The following EXPH5 variants were observed in gnomAD, a reference collection of about 807,000 sequenced individuals.
The protein encoded by EXPH5 is exophilin-5.
Under a neutral mutation model 41.1 loss-of-function variants are expected in EXPH5, and 42 were observed. That is an observed-to-expected ratio of 1.02 (90% CI 0.80 to 1.32). EXPH5 has a LOEUF of 1.32. Among genes scored for constraint, EXPH5 ranks in the 40% most tolerant of loss-of-function variants. The pLI, the probability that EXPH5 is intolerant of heterozygous loss-of-function variation, is 0.00. For missense variants in EXPH5, 2,298 were observed against 2,314.5 expected, an observed-to-expected ratio of 0.99 and a Z score of 0.15; for synonymous variants, 798 against 833.5, an observed-to-expected ratio of 0.96 and a Z score of 0.73.
chr11:108,539,075 A>T lies in EXPH5; in HGVS notation c.392T>A (p.Phe131Tyr), dbSNP rs116205685. Residue 131 changes from phenylalanine to tyrosine, a missense_variant, in exon 3 of 6, where the codon TTC becomes TAC. Transcript: ENST00000265843. Reference sequence around the variant, plus strand: ...TGAAGTCTCCTTTCCAGATTTCCTGAATGAGAACAGGGAAGCAAATGACGA... The same window carrying T: ...TGAAGTCTCCTTTCCAGATTTCCTGTATGAGAACAGGGAAGCAAATGACGA... ...FRSSFASLFS[F>Y]RKSGKETSKL... 2.7e-4 allele frequency: 432 copies of T among 1,609,016 alleles called. No individual in the cohort carries two copies. In the African/African-American group the frequency reaches 5.2e-3, roughly 20 times the overall value.
At position 108,508,003 on chromosome 11, in the gene EXPH5, C is replaced by CCAAAAAAAAAAAAAA. The variant is rs2093653611; in HGVS notation, c.*1519_*1533dup. 1 of 44,218 alleles carries CCAAAAAAAAAAAAAA rather than the reference C, an allele frequency of 2.3e-5. No homozygotes were observed. Among genetic ancestry groups the CCAAAAAAAAAAAAAA allele is most frequent in the Non-Finnish European group, 5.0e-5 (1 of 19,904 alleles). The allele number at this position is 44,218 out of a possible 1,614,324, so 2.7% of individuals were successfully genotyped here. A position where few individuals can be genotyped will look rare whatever the true frequency, so the allele number is the denominator to read the frequency against. On this transcript the variant is annotated 3_prime_UTR_variant, in exon 6 of 6. Transcript: ENST00000265843. ...TGAAACTCCAACTCTACTAAAAATA[C>CCAAAAAAAAAAAAAA]CAAAAAAAAAAAAAAAAAAAAAAAA...
At chr11:108,574,016 C>G (rs1156863643) in intron 1 of EXPH5, among the ~76,000 whole-genome samples, 1 of 152,052 alleles carries the variant, frequency 6.6e-6, no homozygotes, top group African/African-American at 2.4e-5. Flanking sequence ...ATTCTCCTGC[C>G]TCAGCCTCTG....
chr11:108,519,737 G>T (rs1187676802), intron 4 of EXPH5, among the ~76,000 whole-genome samples: 2 of 150,816 alleles, frequency 1.3e-5, no homozygotes, highest in African/African-American at 4.9e-5. Flanking sequence ...GACAGAGTGA[G>T]ACTCTGTCTT....
chr11:108,602,401 G>T, the EXPH5 span, among the ~76,000 whole-genome samples: 3 of 151,864 alleles, frequency 2.0e-5, no homozygotes, highest in Admixed American at 6.6e-5. Context: ...ATGGTTATTT[G>T]CCCCCATCTC....
At position 108,511,317 on chromosome 11, in the gene EXPH5, G is replaced by A. The variant is rs757762764; in HGVS notation, c.4190C>T (p.Ser1397Leu). The A allele has an allele frequency of 6.3e-7, 1 of 1,597,468 alleles. No homozygotes were observed. The highest frequency in any genetic ancestry group is 8.5e-7 in the Non-Finnish European group (1 of 1,174,366). Residue 1397 changes from serine (S) to leucine (L), a missense_variant, in exon 6 of 6, where the codon TCA (serine) becomes TTA (leucine). By Grantham distance (145) the Ser-to-Leu change is moderately radical. Transcript: ENST00000265843. ...TACATTTTTTCTCTGAAGCATCAATGAAGTATGCAGGGTTTCACTTTGCAA... is the reference window on the plus strand; with the variant it reads ...TACATTTTTTCTCTGAAGCATCAATAAAGTATGCAGGGTTTCACTTTGCAA... Reference protein sequence around the residue: ...KKLQSETLHTSLMLQRKNVSE... With the variant: ...KKLQSETLHTLLMLQRKNVSE...
intron 1 of EXPH5, among the ~76,000 whole-genome samples, chr11:108,571,697 A>G (rs2094060615): frequency 1.3e-5 from 2 of 152,150 alleles, no homozygotes; most frequent in African/African-American, 4.8e-5. Context: ...CCCAAAAGTC[A>G]TTTTCAGACA....
At chr11:108,587,319 C>T (rs2094116150) in intron 1 of EXPH5, among the ~76,000 whole-genome samples, 1 of 152,196 alleles carries the variant, frequency 6.6e-6, no homozygotes, top group Admixed American at 6.5e-5. Flanking sequence ...ACCATCTGTG[C>T]TAATGAGGAA....
At position 108,512,818 on chromosome 11, in the gene EXPH5, C is replaced by T. The variant is rs1405745884; in HGVS notation, c.2689G>A (p.Ala897Thr). The change falls in exon 6 of 6, where the codon GCT becomes ACT. Residue 897 changes from alanine to threonine, a missense_variant. Coordinates refer to ENST00000265843, the MANE Select transcript of EXPH5 (RefSeq NM_015065.3). ...SSPSKNSSLD[A>T]PVVPSTTVFS... is the part of the protein sequence containing the mutation. ...ACTGTAGTAGATGGAACCACAGGAG[C>T]ATCAAGGGAAGAATTCTTTGATGGT... 6.2e-7 allele frequency: 1 copy of T among 1,614,182 alleles called. No individual in the cohort carries two copies. Among genetic ancestry groups the T allele is most frequent in the Non-Finnish European group, 8.5e-7 (1 of 1,180,026 alleles).
intron 1 of EXPH5, among the ~76,000 whole-genome samples, chr11:108,553,106 G>A (rs949773417): frequency 1.3e-5 from 2 of 152,160 alleles, no homozygotes; most frequent in African/African-American, 4.8e-5. Context: ...GGCTGAGGCA[G>A]GAGAATCGCT....
At position 108,510,451 on chromosome 11, in the gene EXPH5, G is replaced by T. The variant is rs34026967; in HGVS notation, c.5056C>A (p.His1686Asn). The change falls in exon 6 of 6, where the codon CAC becomes AAC. Residue 1686 changes from histidine (H) to asparagine (N), a missense_variant. By Grantham distance (68) the His-to-Asn change is moderately conservative (BLOSUM62 1). Transcript: ENST00000265843. ...CTGTTAGACTTCTGGTTGCTGACGT[G>T]TGTAGAAGGTTCTCTGTTGGGTAGT... Reference protein sequence around the residue: ...TVLPNREPSTHVSNQKSNSIS... With the variant: ...TVLPNREPSTNVSNQKSNSIS... 1.2e-3 allele frequency: 2,014 copies of T among 1,614,070 alleles called. 22 individuals carry two copies. The African/African-American group carries it at 0.023, about 18-fold the overall frequency.
the EXPH5 span, among the ~76,000 whole-genome samples, chr11:108,598,972 C>T: frequency 9.9e-5 from 15 of 152,006 alleles, no homozygotes; most frequent in African/African-American, 2.9e-4. Flanking sequence ...TAAGATTGTG[C>T]AATTAAATGT....
intron 1 of EXPH5, among the ~76,000 whole-genome samples, chr11:108,573,200 A>G (rs34336921): frequency 0.02 from 2,039 of 104,422 alleles, 14 homozygotes; most frequent in Non-Finnish European, 0.03. Flanking sequence ...AAGAAAGAAA[A>G]AGAAAGAAAG....
Position 108,593,400 on chromosome 11 carries a change from A to T in EXPH5, c.119+18T>A. 6.2e-7 allele frequency: 1 copy of T among 1,607,696 alleles called. No homozygotes were observed. Among genetic ancestry groups the T allele is most frequent in the South Asian group, 1.1e-5 (1 of 90,734 alleles). On this transcript the variant is annotated intron_variant, in intron 1 of 5. Coordinates refer to ENST00000265843, the MANE Select transcript of EXPH5 (RefSeq NM_015065.3). ...CGGGACCCAGGCCCAGGACAAAAGA[A>T]ATGAATTTGCTCTGTACCTGATCCT...
intron 4 of EXPH5, among the ~76,000 whole-genome samples, chr11:108,527,385 A>AAGAGAGAGGGAGGG (rs1285329828): frequency 6.6e-6 from 1 of 151,990 alleles, no homozygotes; most frequent in African/African-American, 2.4e-5. Context: ...GCTTTTTGCA[A>AAGAGAGAGGGAGGG]AGAGAGAGGG....
chr11:108,604,381 G>A, the EXPH5 span, among the ~76,000 whole-genome samples: 302 of 152,178 alleles, frequency 2.0e-3, 1 homozygote, highest in African/African-American at 6.8e-3. Context: ...GGGTAACAGA[G>A]CAAGATCCTG....
intron 1 of EXPH5, 28 bp from the exon 2 acceptor site, chr11:108,541,840 T>C (rs1479702799): frequency 1.3e-6 from 2 of 1,525,242 alleles, no homozygotes; most frequent in African/African-American, 2.8e-5. Context: ...ATTAATGTGG[T>C]CTTTATTTAT....
chr11:108,511,573 C>A lies in EXPH5; in HGVS notation c.3934G>T (p.Glu1312Ter), dbSNP rs1354596778. The change falls in exon 6 of 6, where the codon GAA (glutamate) becomes TAA (stop). Residue 1312 changes from glutamate (E) to a stop codon, truncating the protein, a stop_gained. Coordinates refer to ENST00000265843, the MANE Select transcript of EXPH5 (RefSeq NM_015065.3). LOFTEE classifies it low-confidence loss of function (END_TRUNC). Reference sequence around the variant, plus strand: ...GAGTTGACGGACATCTTTAGATTTTCACATGAAGGTGTTCCTGACTGCTCT... The same window carrying A: ...GAGTTGACGGACATCTTTAGATTTTAACATGAAGGTGTTCCTGACTGCTCT... ...TREQSGTPSC[E>*]NLKMSVNSDQ... 1.9e-6 allele frequency: 3 copies of A among 1,613,276 alleles called. No individual in the cohort carries two copies. Among genetic ancestry groups the A allele is most frequent in the Admixed American group, 1.7e-5 (1 of 59,794 alleles).
chr11:108,595,483 C>A (rs530526988), upstream of EXPH5, among the ~76,000 whole-genome samples: 3 of 152,208 alleles, frequency 2.0e-5, no homozygotes, highest in East Asian at 5.8e-4. Context: ...GTCTAGGAAT[C>A]TTCTCATATT....
chr11:108,566,949 G>A (rs1444591958), intron 1 of EXPH5, among the ~76,000 whole-genome samples: 1 of 152,186 alleles, frequency 6.6e-6, no homozygotes, highest in Admixed American at 6.5e-5. Flanking sequence ...GAGAGACAGA[G>A]CTAGGGAGAA....
Sources: allele counts gnomAD v4.1 joint callset (sites outside exome capture counted in the v4.1 genomes callset), GRCh38; gene constraint gnomAD v4.1.1; transcripts MANE v1.5; gene names NCBI Gene and HGNC (gene_info 2026-07-23, HGNC 2026-07-21).